XPA: variants seen among roughly 807,000 people sequenced by gnomAD.
XPA encodes XPA, DNA damage recognition and repair factor.
In XPA, 27 loss-of-function variants were observed where a neutral mutation model predicts 35.7. That is an observed-to-expected ratio of 0.76 (90% confidence interval 0.56 to 1.04). XPA has a LOEUF of 1.04. XPA is among the 50% of genes least tolerant of loss of function. The probability of loss-of-function intolerance (pLI) is 0.00; values close to 1 mark genes in which losing one functional copy is unlikely to be tolerated. For missense variants in XPA, 354 were observed against 342.7 expected, an observed-to-expected ratio of 1.03 and a Z score of -0.26; for synonymous variants, 133 against 118.4, an observed-to-expected ratio of 1.12 and a Z score of -0.80.
chr9:97,690,303 C>T (rs553471084), intron 2 of XPA, among the ~76,000 whole-genome samples: 3 of 152,148 alleles, frequency 2.0e-5, no homozygotes, highest in African/African-American at 7.2e-5. Flanking sequence ...CTCCACCTCT[C>T]GGGTTCAAGC....
At chr9:97,696,368 GAGAAT>G (rs1425353960) in intron 1 of XPA, among the ~76,000 whole-genome samples, 1 of 152,190 alleles carries the variant, frequency 6.6e-6, no homozygotes, top group African/African-American at 2.4e-5. Flanking sequence ...AATTCTATAA[GAGAAT>G]AATCTGCAAT....
the XPA span, chr9:97,656,044 C>G: frequency 6.2e-7 from 1 of 1,614,060 alleles, no homozygotes; most frequent in Non-Finnish European, 8.5e-7. Flanking sequence ...CTGAAAGTCC[C>G]AAACCGAAGT....
intron 2 of XPA, among the ~76,000 whole-genome samples, chr9:97,690,153 C>G (rs2808668): frequency 6.6e-6 from 1 of 152,064 alleles, no homozygotes; most frequent in Non-Finnish European, 1.5e-5. Flanking sequence ...GCTTCTCACA[C>G]GGCATCACCC....
chr9:97,693,527 T>C, intron 2 of XPA, 122 bp downstream of exon 2: 1 of 870,882 alleles, frequency 1.1e-6, no homozygotes, highest in Non-Finnish European at 1.8e-6. Context: ...ATCACTTTTA[T>C]AAAGATAATG....
the XPA span, chr9:97,660,992 T>G: frequency 6.2e-7 from 1 of 1,612,782 alleles, no homozygotes; most frequent in Non-Finnish European, 8.5e-7. Context: ...CTGTTGCCTT[T>G]AAAAGTAAGG....
At chr9:97,670,939 C>G, downstream of XPA, 1 of 486,266 alleles carries the variant, frequency 2.1e-6, no homozygotes, top group Non-Finnish European at 3.7e-6. Flanking sequence ...TGGGGATTTT[C>G]AGGGGTCCAT....
At position 97,697,297 on chromosome 9, in the gene XPA, G is replaced by A. The variant is rs202078294; in HGVS notation, c.-5C>T. On this transcript the variant is annotated 5_prime_UTR_variant, in exon 1 of 6. Coordinates refer to ENST00000375128, the MANE Select transcript of XPA (RefSeq NM_000380.4). The stretch of plus-strand genomic sequence containing the variant: ...AGCCCCGTCGGCCGCCGCCATCTCT[G>A]GCCCACTCCGAGGACCTAGCTCCCA... 52 of 1,597,476 alleles carry A rather than the reference G, an allele frequency of 3.3e-5. No individual in the cohort carries two copies. The African/African-American group carries it at 6.5e-4, about 20-fold the overall frequency.
At chr9:97,677,693 C>T (rs1417610375) in intron 5 of XPA, among the ~76,000 whole-genome samples, 1 of 150,916 alleles carries the variant, frequency 6.6e-6, no homozygotes, top group Non-Finnish European at 1.5e-5. Flanking sequence ...AAGACTGTCT[C>T]AAAGAAAAAA....
At chr9:97,681,512 G>A (rs1473417536) in intron 5 of XPA, among the ~76,000 whole-genome samples, 1 of 152,090 alleles carries the variant, frequency 6.6e-6, no homozygotes, top group Non-Finnish European at 1.5e-5. Context: ...TCTTTTGGGA[G>A]GAAAGTACAT....
At chr9:97,686,743 A>G (rs1476883313) in intron 4 of XPA, among the ~76,000 whole-genome samples, 5 of 152,116 alleles carry the variant, frequency 3.3e-5, no homozygotes, top group Admixed American at 6.6e-5. Context: ...CCTGGGCAAT[A>G]TGGTAAAACC....
the XPA span, among the ~76,000 whole-genome samples, chr9:97,658,356 G>A: frequency 6.6e-6 from 1 of 152,092 alleles, no homozygotes; most frequent in African/African-American, 2.4e-5. Flanking sequence ...TTTCCAAAGC[G>A]TGCAGTCATC....
rs1348775782 is a variant in XPA, at chr9:97,693,668, T to A, written c.264A>T (p.Gly88=). The change falls in exon 2 of 6, where the codon GGA becomes GGT. Residue 88 remains glycine, a synonymous_variant. Coordinates refer to ENST00000375128, the MANE Select transcript of XPA (RefSeq NM_000380.4). ...EEEEEEEQKI[G]KVVHQPGPVM... ...CTTTACCTGGTTGATGAACAACTTTTCCAATTTTCTGTTCTTCTTCTTCTT... is the reference window on the plus strand; with the variant it reads ...CTTTACCTGGTTGATGAACAACTTTACCAATTTTCTGTTCTTCTTCTTCTT... 1 of 1,613,648 alleles carries A rather than the reference T, an allele frequency of 6.2e-7. No individual in the cohort carries two copies. Among genetic ancestry groups the A allele is most frequent in the Admixed American group, 1.7e-5 (1 of 60,030 alleles).
Position 97,675,260 on chromosome 9 carries a change from C to CT in XPA, c.*178dup, listed in dbSNP as rs1409350354. On this transcript the variant is annotated 3_prime_UTR_variant, in exon 6 of 6. Transcript: ENST00000375128. ...TGTGCACACAACCAGGCCAGGTGAC[C>CT]TTCACTGAAACTTGCTTTTAAGCCA... 4 of 757,742 alleles carry CT rather than the reference C, an allele frequency of 5.3e-6. No homozygotes were observed. Among genetic ancestry groups the CT allele is most frequent in the Non-Finnish European group, 8.9e-6 (4 of 450,742 alleles). The allele number at this position is 757,742 out of a possible 1,614,324, so 46.9% of individuals were successfully genotyped here.
the XPA span, chr9:97,654,989 T>G: frequency 7.2e-7 from 1 of 1,394,990 alleles, no homozygotes; most frequent in South Asian, 1.4e-5. Context: ...CAGCTTTTAC[T>G]TCCTGTACTT....
intron 5 of XPA, among the ~76,000 whole-genome samples, chr9:97,678,007 T>A (rs955579308): frequency 1.3e-5 from 2 of 152,190 alleles, no homozygotes; most frequent in African/African-American, 2.4e-5. Context: ...TAAAACTGGA[T>A]GTATCAGTGT....
chr9:97,657,906 C>A, the XPA span, among the ~76,000 whole-genome samples: 254 of 127,494 alleles, frequency 2.0e-3, no homozygotes, highest in East Asian at 3.9e-3. Flanking sequence ...CTCTCTCTCT[C>A]TATATATATA....
intron 2 of XPA, among the ~76,000 whole-genome samples, chr9:97,692,535 AAT>A (rs1828925160): frequency 6.6e-6 from 1 of 152,232 alleles, no homozygotes; most frequent in Non-Finnish European, 1.5e-5. Flanking sequence ...ATCTTTGAAA[AAT>A]TTACCAGGAT....
chr9:97,658,566 T>C, the XPA span: 5 of 1,120,510 alleles, frequency 4.5e-6, no homozygotes, highest in Non-Finnish European at 6.8e-6. Flanking sequence ...ATCATGACTT[T>C]CCAGGTAAGT....
chr9:97,668,422 G>A, the XPA span, among the ~76,000 whole-genome samples: 5 of 152,246 alleles, frequency 3.3e-5, no homozygotes, highest in Admixed American at 1.3e-4. Flanking sequence ...ATTATATGTC[G>A]GCTGGAGCCA....
Sources: gnomAD v4.1 joint callset for allele counts (sites outside exome capture counted in the v4.1 genomes callset) on GRCh38, gnomAD v4.1.1 for gene constraint, MANE v1.5 for transcripts, NCBI Gene and HGNC (gene_info 2026-07-23, HGNC 2026-07-21) for gene names.